IDE: variants seen among roughly 807,000 people sequenced by gnomAD.
IDE encodes the protein insulin-degrading enzyme.
A neutral mutation model predicts 133.2 loss-of-function variants in IDE; 58 were observed. The observed-to-expected ratio is 0.44, with a 90% confidence interval of 0.35 to 0.54. The LOEUF is 0.54. IDE is among the 20% of genes least tolerant of loss of function. IDE has a pLI of 0.00. For missense variants in IDE, 981 were observed against 1,234.0 expected (o/e 0.79, Z 3.07); for synonymous variants, 396 against 421.3 (o/e 0.94, Z 0.73).
chr10:92,556,388 T>C (rs1003021457), intron 1 of IDE, among the ~76,000 whole-genome samples: 1 of 151,906 alleles, frequency 6.6e-6, no homozygotes, highest in Non-Finnish European at 1.5e-5. Flanking sequence ...TTTGAGAGGC[T>C]GAGGCGGGTG....
intron 22 of IDE, among the ~76,000 whole-genome samples, chr10:92,460,061 A>T (rs1425157991): frequency 6.7e-6 from 1 of 148,994 alleles, no homozygotes; most frequent in East Asian, 2.0e-4. Context: ...CTGATCTTGA[A>T]CTCCTGACCT....
chr10:92,492,042 C>T (rs1847383062), intron 11 of IDE, among the ~76,000 whole-genome samples: 1 of 152,028 alleles, frequency 6.6e-6, no homozygotes, highest in Non-Finnish European at 1.5e-5. Flanking sequence ...GGGAAGATCA[C>T]GAGGTCAAGA....
At chr10:92,476,046 T>C in intron 15 of IDE, 52 bp from the exon 16 acceptor site, 5 of 675,702 alleles carry the variant, frequency 7.4e-6, no homozygotes, top group East Asian at 3.0e-5. Context: ...CAAAACAACT[T>C]CCAAATAAAC....
chr10:92,475,833 A>G, intron 16 of IDE, 51 bp downstream of exon 16: 1 of 673,952 alleles, frequency 1.5e-6, no homozygotes, highest in South Asian at 2.0e-5. Flanking sequence ...AACTTTTTAT[A>G]ATATAGCAAT....
At chr10:92,488,087 G>T (rs1300208507) in intron 12 of IDE, among the ~76,000 whole-genome samples, 1 of 151,926 alleles carries the variant, frequency 6.6e-6, no homozygotes, top group Admixed American at 6.6e-5. Context: ...GAGCCACCAT[G>T]CCCGGCCTCA....
chr10:92,510,393 T>C (rs1848518851), intron 5 of IDE, among the ~76,000 whole-genome samples: 1 of 152,036 alleles, frequency 6.6e-6, no homozygotes. Flanking sequence ...TTAGAAACAA[T>C]AATAATTGCA....
At chr10:92,536,378 C>T (rs1842004161) in intron 2 of IDE, among the ~76,000 whole-genome samples, 1 of 135,134 alleles carries the variant, frequency 7.4e-6, no homozygotes, top group East Asian at 2.1e-4. Flanking sequence ...AGTGAAACTC[C>T]GTCTCAAAAA....
At chr10:92,476,569 C>T (rs1846264099) in intron 15 of IDE, among the ~76,000 whole-genome samples, 1 of 152,070 alleles carries the variant, frequency 6.6e-6, no homozygotes, top group Non-Finnish European at 1.5e-5. Context: ...TCAAGTGAAC[C>T]TCCTGCCTCA....
chr10:92,538,181 A>C (rs1009852346), intron 1 of IDE, among the ~76,000 whole-genome samples: 1 of 152,174 alleles, frequency 6.6e-6, no homozygotes, highest in Non-Finnish European at 1.5e-5. Flanking sequence ...GACCTAGAAT[A>C]GAGTTTTATT....
chr10:92,510,831 C>T (rs1023678787), intron 5 of IDE, among the ~76,000 whole-genome samples: 4 of 150,438 alleles, frequency 2.7e-5, no homozygotes, highest in Admixed American at 6.6e-5. Flanking sequence ...ATATATAGCA[C>T]ATACATATCA....
intron 4 of IDE, among the ~76,000 whole-genome samples, chr10:92,524,334 ATATTATATT>A (rs1849407854): frequency 3.0e-5 from 2 of 67,324 alleles, no homozygotes; most frequent in East Asian, 4.4e-4. Context: ...ATTATTATAT[ATATTATATT>A]ATATATAATA....
intron 18 of IDE, among the ~76,000 whole-genome samples, chr10:92,469,428 T>C (rs935870666): frequency 6.6e-6 from 1 of 151,806 alleles, no homozygotes; most frequent in African/African-American, 2.4e-5. Flanking sequence ...GACCAAGGGA[T>C]CTTTTCTTTT....
intron 6 of IDE, among the ~76,000 whole-genome samples, chr10:92,509,126 A>C (rs936361342): frequency 1.3e-5 from 2 of 152,198 alleles, no homozygotes; most frequent in African/African-American, 4.8e-5. Context: ...GCTAAATATT[A>C]ATGGTTTTGA....
chr10:92,524,336 A>ATATTTTATATTATAATATATG (rs1849408942), intron 4 of IDE, among the ~76,000 whole-genome samples: 1 of 48,464 alleles, frequency 2.1e-5, no homozygotes, highest in African/African-American at 8.3e-5. Flanking sequence ...TATTATATAT[A>ATATTTTATATTATAATATATG]TTATATTATA....
rs1030303915 is a variant in IDE at position 92,561,058 on chromosome 10, G to A, written c.98+12864C>T. 2.6e-5 allele frequency among the ~76,000 whole-genome samples: 4 copies of A among 151,706 alleles called. No homozygotes were observed. In the East Asian group the frequency reaches 7.9e-4, roughly 30 times the overall value. On this transcript the variant is annotated intron_variant, in intron 1 of 24. Transcript: ENST00000265986. Reference sequence around the variant, plus strand: ...ACCTGAGGTCAGGAGTTCGAGACCAGCTTGGCCAACATGGTGAAACCCTGT... The same window carrying A: ...ACCTGAGGTCAGGAGTTCGAGACCAACTTGGCCAACATGGTGAAACCCTGT...
Position 92,547,331 on chromosome 10 carries a change from G to T in IDE, c.99-9781C>A, listed in dbSNP as rs576030597. On this transcript the variant is annotated intron_variant, in intron 1 of 24. Transcript: ENST00000265986. ...ACTCCTGGGCTCAAGCAATCTGCCC[G>T]CTTCGGCCTCCCAAAATGCTGGGAT... Among the ~76,000 whole-genome samples, 69 of 151,348 alleles carry T rather than the reference G, an allele frequency of 4.6e-4. 1 individual carries two copies. Among genetic ancestry groups the T allele is most frequent in the African/African-American group, 1.6e-3 (66 of 41,220 alleles).
intron 7 of IDE, among the ~76,000 whole-genome samples, chr10:92,508,442 G>C (rs1031602260): frequency 1.3e-4 from 20 of 150,234 alleles, no homozygotes; most frequent in African/African-American, 4.4e-4. Context: ...GGCTGGGCGC[G>C]GTGGCTCATG....
intron 11 of IDE, among the ~76,000 whole-genome samples, chr10:92,496,689 G>C (rs903477141): frequency 2.0e-5 from 3 of 152,222 alleles, no homozygotes; most frequent in African/African-American, 7.2e-5. Context: ...GGGAGGCTGA[G>C]GCAGGAGAAT....
intron 21 of IDE, among the ~76,000 whole-genome samples, chr10:92,462,317 T>TA (rs57235158): frequency 0.39 from 29,543 of 75,104 alleles, 4,776 homozygotes; most frequent in East Asian, 0.68. Context: ...AACTGTCTCA[T>TA]AAAAAAAAAA....
Sources: gnomAD v4.1 joint callset for allele counts (sites outside exome capture counted in the v4.1 genomes callset) on GRCh38, gnomAD v4.1.1 for gene constraint, MANE v1.5 for transcripts, NCBI Gene and HGNC (gene_info 2026-07-23, HGNC 2026-07-21) for gene names.